Variants in HECW1 observed in about 807,000 individuals in gnomAD.
HECW1 encodes the protein HECT, C2 and WW domain containing E3 ubiquitin protein ligase 1, also known as E3 ubiquitin-protein ligase HECW1.
Under a neutral mutation model 182.3 loss-of-function variants are expected in HECW1, and 61 were observed. The observed-to-expected ratio is 0.33, with a 90% confidence interval of 0.27 to 0.41. The LOEUF (loss-of-function observed/expected upper bound fraction) is 0.41, where lower values mean the gene tolerates loss of function less well. Among genes scored for constraint, HECW1 ranks in the 10% least tolerant of loss-of-function variants. The pLI, the probability that HECW1 is intolerant of heterozygous loss-of-function variation, is 1.00. For missense variants in HECW1, 1,739 were observed against 2,108.9 expected (o/e 0.82, Z 3.44); for synonymous variants, 859 against 832.6 (o/e 1.03, Z -0.55).
At chr7:43,265,686 C>T (rs896147168) in intron 3 of HECW1, among the ~76,000 whole-genome samples, 4 of 152,176 alleles carry the variant, frequency 2.6e-5, no homozygotes, top group Non-Finnish European at 4.4e-5. Flanking sequence ...AATTCTGGCA[C>T]TCACTCCTGG....
chr7:43,374,001 C>G (rs539760332), intron 6 of HECW1, among the ~76,000 whole-genome samples: 157 of 152,244 alleles, frequency 1.0e-3, no homozygotes, highest in African/African-American at 3.6e-3. Context: ...ATAGTATTCC[C>G]TAGTATGTAT....
intron 12 of HECW1, among the ~76,000 whole-genome samples, chr7:43,455,078 C>A (rs557687113): frequency 3.9e-5 from 6 of 152,322 alleles, no homozygotes; most frequent in African/African-American, 1.4e-4. Flanking sequence ...CAGCTCAGCC[C>A]CTGCCTGTAT....
chr7:43,217,198 GA>G (rs1320742894), intron 2 of HECW1, among the ~76,000 whole-genome samples: 1 of 152,000 alleles, frequency 6.6e-6, no homozygotes, highest in Non-Finnish European at 1.5e-5. Context: ...TTTAATACTG[GA>G]ATAAATTTAA....
intron 6 of HECW1, among the ~76,000 whole-genome samples, chr7:43,373,460 T>C (rs1323390951): frequency 1.3e-5 from 2 of 152,096 alleles, no homozygotes; most frequent in African/African-American, 4.8e-5. Context: ...GCCCGGCTCC[T>C]TTCTTTTCTT....
At chr7:43,443,345 G>A (rs983655913) in intron 10 of HECW1, among the ~76,000 whole-genome samples, 2 of 152,166 alleles carry the variant, frequency 1.3e-5, no homozygotes, top group African/African-American at 2.4e-5. Flanking sequence ...TAAACTCCAG[G>A]TCTACTTTCC....
At chr7:43,500,639 ATGTATTTC>A in intron 19 of HECW1, 52 bp from the exon 20 acceptor site, 1 of 1,241,322 alleles carries the variant, frequency 8.1e-7, no homozygotes, top group Non-Finnish European at 1.2e-6. Context: ...TCAGAAGAAA[ATGTATTTC>A]TGAGTTTATG....
intron 17 of HECW1, among the ~76,000 whole-genome samples, chr7:43,489,226 ACCTT>A (rs2078838020): frequency 6.6e-6 from 1 of 152,074 alleles, no homozygotes; most frequent in Non-Finnish European, 1.5e-5. Flanking sequence ...CACTTAGATA[ACCTT>A]CAGCTGGTGG....
intron 2 of HECW1, among the ~76,000 whole-genome samples, chr7:43,151,265 A>G (rs1789293462): frequency 6.6e-6 from 1 of 152,154 alleles, no homozygotes; most frequent in African/African-American, 2.4e-5. Context: ...ATCTCATAAG[A>G]TTATTTTTGG....
chr7:43,521,455 T>C (rs1381399969), intron 24 of HECW1, among the ~76,000 whole-genome samples: 1 of 152,220 alleles, frequency 6.6e-6, no homozygotes, highest in Admixed American at 6.5e-5. Flanking sequence ...ATTAAAAGTA[T>C]TTCTGTAGGC....
At chr7:43,222,374 A>C (rs1467805367) in intron 2 of HECW1, among the ~76,000 whole-genome samples, 4 of 152,202 alleles carry the variant, frequency 2.6e-5, no homozygotes, top group Non-Finnish European at 5.9e-5. Context: ...TATGCAAACA[A>C]TCTTTGAAAG....
At chr7:43,369,761 G>A (rs1311052447) in intron 6 of HECW1, among the ~76,000 whole-genome samples, 1 of 152,186 alleles carries the variant, frequency 6.6e-6, no homozygotes, top group Non-Finnish European at 1.5e-5. Flanking sequence ...CTGCAGCAGG[G>A]TCCAAATGTT....
intron 17 of HECW1, among the ~76,000 whole-genome samples, chr7:43,480,696 TAC>T (rs202003443): frequency 0.033 from 4,487 of 135,354 alleles, 84 homozygotes; most frequent in South Asian, 0.1. Context: ...TATATATATA[TAC>T]ACACACACAC....
intron 25 of HECW1, 132 bp from the exon 26 acceptor site, chr7:43,541,737 G>C (rs2081370323): frequency 2.6e-6 from 2 of 763,036 alleles, no homozygotes; most frequent in Middle Eastern, 4.4e-4. Context: ...TGATTCATCA[G>C]TGGATTCAAA....
chr7:43,144,117 G>A (rs1227336675), intron 2 of HECW1, among the ~76,000 whole-genome samples: 2 of 152,182 alleles, frequency 1.3e-5, no homozygotes, highest in Admixed American at 6.5e-5. Flanking sequence ...TTTCTCGGAC[G>A]TTCCTTGTTT....
At chr7:43,231,638 G>T (rs1358950039) in intron 2 of HECW1, among the ~76,000 whole-genome samples, 1 of 152,130 alleles carries the variant, frequency 6.6e-6, no homozygotes, top group Non-Finnish European at 1.5e-5. Flanking sequence ...GCTTATACCA[G>T]TAACATAGAT....
At chr7:43,319,393 CAA>C (rs529109893) in intron 4 of HECW1, among the ~76,000 whole-genome samples, 6 of 67,690 alleles carry the variant, frequency 8.9e-5, no homozygotes, top group Admixed American at 1.9e-4. Context: ...GACTCCGTCT[CAA>C]AAAAAAAAAA....
At position 43,415,932 on chromosome 7, in the gene HECW1, A is replaced by C. The variant is rs1346837133; in HGVS notation, c.801+8201A>C. 7.7e-5 allele frequency among the ~76,000 whole-genome samples: 10 copies of C among 129,740 alleles called. No homozygotes were observed. The Admixed American group carries it at 7.9e-4, about 10-fold the overall frequency. 85.1% of individuals were successfully genotyped at this position (129,740 alleles called of 152,430 possible). A position where few individuals can be genotyped will look rare whatever the true frequency, so the allele number is the denominator to read the frequency against. On this transcript the variant is annotated intron_variant, in intron 8 of 29. Transcript: ENST00000395891. ...GGTTATTCTAGTTATACATTCTTCT[A>C]AATTTTTTTCAAAGTTTTCAACTTC...
At chr7:43,258,799 A>T (rs1800863539) in intron 3 of HECW1, 1 of 151,878 alleles carries the variant, frequency 6.6e-6, no homozygotes, top group African/African-American at 2.4e-5. Context: ...TATTTGTTGG[A>T]GCTAACAGAG....
chr7:43,223,562 C>T (rs528328660), intron 2 of HECW1, among the ~76,000 whole-genome samples: 48 of 151,844 alleles, frequency 3.2e-4, no homozygotes, highest in African/African-American at 1.0e-3. Flanking sequence ...GAAGTTGAAG[C>T]GAGCTGAGAT....
Sources: allele counts gnomAD v4.1 joint callset (sites outside exome capture counted in the v4.1 genomes callset), GRCh38; gene constraint gnomAD v4.1.1; transcripts MANE v1.5; gene names NCBI Gene and HGNC (gene_info 2026-07-23, HGNC 2026-07-21).